The following PIAS2 variants were observed in gnomAD, a reference collection of about 807,000 sequenced individuals.
PIAS2 encodes the protein protein inhibitor of activated STAT 2, also known as E3 SUMO-protein ligase PIAS2.
A neutral mutation model predicts 69.7 loss-of-function variants in PIAS2; 19 were observed. That is an observed-to-expected ratio of 0.27 (90% CI 0.19 to 0.40). The LOEUF (loss-of-function observed/expected upper bound fraction) is 0.40. Ranked by LOEUF, PIAS2 falls within the 10% of genes least tolerant of loss-of-function variation. PIAS2 has a pLI of 1.00. For synonymous variants in PIAS2, 261 were observed against 263.2 expected, an observed-to-expected ratio of 0.99 and a Z score of 0.08; for missense variants, 624 against 757.0, an observed-to-expected ratio of 0.82 and a Z score of 2.06.
chr18:46,848,899 A>C (rs1329093931), intron 5 of PIAS2, among the ~76,000 whole-genome samples: 1 of 151,826 alleles, frequency 6.6e-6, no homozygotes, highest in Non-Finnish European at 1.5e-5. Flanking sequence ...TCTCATAAAG[A>C]CTCAAGGAGC....
intron 8 of PIAS2, among the ~76,000 whole-genome samples, chr18:46,842,187 C>T (rs1226504247): frequency 6.8e-6 from 1 of 146,386 alleles, no homozygotes; most frequent in Non-Finnish European, 1.5e-5. Context: ...GTTCATGCTA[C>T]TGCATTCCAG....
chr18:46,860,089 C>T (rs2048434835), intron 3 of PIAS2, among the ~76,000 whole-genome samples: 1 of 152,180 alleles, frequency 6.6e-6, no homozygotes. Context: ...ATCTTACTAC[C>T]ACTACAGGCA....
At chr18:46,861,394 G>A (rs771535744) in intron 3 of PIAS2, among the ~76,000 whole-genome samples, 10 of 152,134 alleles carry the variant, frequency 6.6e-5, no homozygotes, top group Non-Finnish European at 1.0e-4. Flanking sequence ...CAAGATTCAC[G>A]AGTGAACACT....
At chr18:46,844,612 A>G in intron 7 of PIAS2, 122 bp downstream of exon 7, 1 of 404,002 alleles carries the variant, frequency 2.5e-6, no homozygotes, top group East Asian at 3.6e-5. Flanking sequence ...ATTAGTATAT[A>G]CACAAGCTAA....
chr18:46,917,610 CG>C (rs1048724206), upstream of PIAS2: 4,763 of 984,052 alleles, frequency 4.8e-3, 20 homozygotes, highest in Non-Finnish European at 5.5e-3. Flanking sequence ...TCAGTCCGCG[CG>C]GCGACAGCGC....
chr18:46,811,280 T>C lies in PIAS2; in HGVS notation c.*1153A>G. The C allele has an allele frequency of 6.6e-6, 1 of 150,702 alleles. No individual in the cohort carries two copies. 9.3% of individuals were successfully genotyped at this position (150,702 alleles called of 1,614,324 possible). ...TTAAAAAAATGAAAAAAAAAAAAAATCTAATGCTGTCCCTTTCCCTAAGTT... is the reference window on the plus strand; with the variant it reads ...TTAAAAAAATGAAAAAAAAAAAAAACCTAATGCTGTCCCTTTCCCTAAGTT... On this transcript the variant is annotated 3_prime_UTR_variant, in exon 14 of 14. Transcript: ENST00000585916.
At position 46,829,814 on chromosome 18, in the gene PIAS2, T is replaced by G; in HGVS notation, c.1256A>C (p.Gln419Pro). 1 of 1,613,600 alleles carries G rather than the reference T, an allele frequency of 6.2e-7. No homozygotes were observed. Among genetic ancestry groups the G allele is most frequent in the Non-Finnish European group, 8.5e-7 (1 of 1,179,572 alleles). The change falls in exon 10 of 14, where the codon CAA (glutamine) becomes CCA (proline). Residue 419 changes from glutamine (Q) to proline (P), a missense_variant. Around this residue, in one of 3 missense-constraint regions of PIAS2, gnomAD observed 241 missense variants for 257.3 expected, o/e 0.94. Coordinates refer to ENST00000585916, the MANE Select transcript of PIAS2 (RefSeq NM_004671.5). ...DCSDVDEIKF[Q>P]EDGSWCPMRP... ...CATTGGACACCAAGAACCATCTTCT[T>G]GGAATTTGATCTCATCTACATCAGA...
intron 1 of PIAS2, among the ~76,000 whole-genome samples, chr18:46,898,850 C>T (rs983091100): frequency 6.6e-5 from 10 of 151,786 alleles, no homozygotes; most frequent in African/African-American, 1.7e-4. Context: ...AAATATTAGC[C>T]GGGCGTGATG....
intron 12 of PIAS2, chr18:46,816,804 T>C: frequency 1.0e-6 from 1 of 984,932 alleles, no homozygotes; most frequent in Non-Finnish European, 1.2e-6. Flanking sequence ...TGTCACTAGC[T>C]ATATGACACA....
At position 46,808,153 on chromosome 18, in the gene PIAS2, GT is replaced by G. The variant is rs1259944644; in HGVS notation, c.*4279del. ...TAATGACATGGAATAATGCCTGTAG[GT>G]TGCGGGGAAAAACCCCAAGATATAA... On this transcript the variant is annotated 3_prime_UTR_variant, in exon 14 of 14. Transcript: ENST00000585916. 6.6e-6 allele frequency: 1 copy of G among 152,178 alleles called. No individual in the cohort carries two copies. Among genetic ancestry groups the G allele is most frequent in the Admixed American group, 6.5e-5 (1 of 15,272 alleles). The allele number at this position is 152,178 out of a possible 1,614,324, so 9.4% of individuals were successfully genotyped here.
At chr18:46,855,642 T>G in intron 3 of PIAS2, 27 bp from the exon 4 acceptor site, 1 of 1,564,072 alleles carries the variant, frequency 6.4e-7, no homozygotes, top group Admixed American at 1.7e-5. Flanking sequence ...GAAAATGGGT[T>G]AAAAAAGTAC....
intron 12 of PIAS2, among the ~76,000 whole-genome samples, chr18:46,820,002 T>G (rs1030600855): frequency 1.3e-5 from 2 of 152,146 alleles, no homozygotes; most frequent in Admixed American, 6.6e-5. Flanking sequence ...AAATATCACA[T>G]GGAAAATTCC....
At chr18:46,909,369 G>A (rs1440660939) in intron 1 of PIAS2, among the ~76,000 whole-genome samples, 2 of 152,086 alleles carry the variant, frequency 1.3e-5, no homozygotes, top group African/African-American at 2.4e-5. Context: ...ATCTCAGCCT[G>A]CCAAGTAGCT....
At chr18:46,861,280 G>C (rs2048629119) in intron 3 of PIAS2, among the ~76,000 whole-genome samples, 1 of 152,018 alleles carries the variant, frequency 6.6e-6, no homozygotes, top group Non-Finnish European at 1.5e-5. Flanking sequence ...AGAAAGAAAA[G>C]AAAAGGAGAC....
At chr18:46,901,891 T>A (rs1568851669) in intron 1 of PIAS2, among the ~76,000 whole-genome samples, 1 of 152,048 alleles carries the variant, frequency 6.6e-6, no homozygotes, top group Non-Finnish European at 1.5e-5. Flanking sequence ...CTATCACCCC[T>A]CATTCAACAC....
In PIAS2 at chr18:46,810,930, G is replaced by A. The variant is rs772596482; in HGVS notation, c.*1503C>T. ...TTAAGGTAGATAAAGCTTAGAGAGAGAAAGCTAAACAGAAAAGTACCAAAT... is the reference window on the plus strand; with the variant it reads ...TTAAGGTAGATAAAGCTTAGAGAGAAAAAGCTAAACAGAAAAGTACCAAAT... On this transcript the variant is annotated 3_prime_UTR_variant, in exon 14 of 14. Transcript: ENST00000585916. The A allele has an allele frequency of 2.6e-5, 4 of 152,026 alleles. No homozygotes were observed. Among genetic ancestry groups the A allele is most frequent in the Non-Finnish European group, 4.4e-5 (3 of 68,016 alleles). The allele number at this position is 152,026 out of a possible 1,614,324, so 9.4% of individuals were successfully genotyped here.
intron 2 of PIAS2, among the ~76,000 whole-genome samples, chr18:46,869,209 C>T (rs1440090690): frequency 1.3e-5 from 2 of 152,168 alleles, no homozygotes; most frequent in Admixed American, 6.5e-5. Flanking sequence ...GTGAGGGAAG[C>T]AGCCAGAGAA....
At chr18:46,845,084 T>C (rs2045975729) in intron 6 of PIAS2, 3 of 263,514 alleles carry the variant, frequency 1.1e-5, no homozygotes, top group African/African-American at 2.2e-5. Flanking sequence ...TATGGGAATA[T>C]AGGTTAGATC....
chr18:46,807,385 T>TATA lies in PIAS2; in HGVS notation c.*5047_*5048insTAT, dbSNP rs2040759723. ...TATATATATATATATATATATATAT[T>TATA]TTTTTTTTTTTTTTTTTTTTTTTTT... On this transcript the variant is annotated 3_prime_UTR_variant, in exon 14 of 14. Transcript: ENST00000585916. The TATA allele has an allele frequency of 9.4e-5, 2 of 21,310 alleles. No individual in the cohort carries two copies. The highest frequency in any genetic ancestry group is 2.2e-4 in the African/African-American group (1 of 4,464). The allele number at this position is 21,310 out of a possible 1,614,324, so 1.3% of individuals were successfully genotyped here. A position where few individuals can be genotyped will look rare whatever the true frequency, so the allele number is the denominator to read the frequency against.
Sources: gnomAD v4.1 joint callset for allele counts (sites outside exome capture counted in the v4.1 genomes callset) on GRCh38, gnomAD v4.1.1 for gene constraint, gnomAD v4.1.1 regional missense constraint, MANE v1.5 for transcripts, NCBI Gene and HGNC (gene_info 2026-07-23, HGNC 2026-07-21) for gene names.